CTTNBP2: variants seen among roughly 807,000 people sequenced by gnomAD.
CTTNBP2 encodes the protein cortactin-binding protein 2.
CTTNBP2 carries 108 observed loss-of-function variants against 156.9 expected under a neutral mutation model. The ratio of observed to expected loss-of-function variants is 0.69; its 90% CI spans 0.59 to 0.81. CTTNBP2 has a LOEUF of 0.81. Among genes scored for constraint, CTTNBP2 ranks in the 30% least tolerant of loss-of-function variants. CTTNBP2 has a pLI of 0.00. For missense variants in CTTNBP2, 1,924 were observed against 2,035.4 expected (o/e 0.95, Z 1.05); for synonymous variants, 767 against 751.8 (o/e 1.02, Z -0.33).
At chr7:117,861,425 A>T in intron 1 of CTTNBP2, 109 bp from the exon 2 acceptor site, 1 of 717,320 alleles carries the variant, frequency 1.4e-6, no homozygotes, top group Non-Finnish European at 2.4e-6. Flanking sequence ...CGGCAGATCC[A>T]GCAGGCACCG....
intron 2 of CTTNBP2, among the ~76,000 whole-genome samples, chr7:117,823,134 T>C (rs1488568703): frequency 1.3e-5 from 2 of 152,222 alleles, no homozygotes; most frequent in African/African-American, 2.4e-5. Flanking sequence ...TTTCTATTTA[T>C]AATTCCCCAA....
chr7:117,713,600 AG>A (rs1794178001), intron 22 of CTTNBP2, among the ~76,000 whole-genome samples: 2 of 152,290 alleles, frequency 1.3e-5, no homozygotes, highest in South Asian at 4.1e-4. Flanking sequence ...GTGAATAGGA[AG>A]GTAAAGGATA....
At position 117,791,575 on chromosome 7, in the gene CTTNBP2, T is replaced by A. The variant is rs376039051; in HGVS notation, c.1621A>T (p.Asn541Tyr). 14 of 1,613,996 alleles carry A rather than the reference T, an allele frequency of 8.7e-6. No individual in the cohort carries two copies. The highest frequency in any genetic ancestry group is 1.3e-5 in the African/African-American group (1 of 74,918). The change falls in exon 4 of 23, where the codon AAT (asparagine) becomes TAT (tyrosine). Residue 541 changes from asparagine to tyrosine, a missense_variant. Transcript: ENST00000160373. Reference sequence around the variant, plus strand: ...TTTTTTGGAGGGATAGGAGGAGGATTTCCTCTGTCAACTCGTGCTACACCA... The same window carrying A: ...TTTTTTGGAGGGATAGGAGGAGGATATCCTCTGTCAACTCGTGCTACACCA... ...THGVARVDRG[N>Y]PPPIPPKKPG...
chr7:117,858,579 C>A (rs1803493306), intron 2 of CTTNBP2, among the ~76,000 whole-genome samples: 2 of 152,030 alleles, frequency 1.3e-5, no homozygotes, highest in Admixed American at 1.3e-4. Context: ...AGGAGCAGTA[C>A]CCTAGGATGT....
chr7:117,731,377 C>T (rs1249472071), intron 16 of CTTNBP2, among the ~76,000 whole-genome samples: 1 of 152,108 alleles, frequency 6.6e-6, no homozygotes, highest in Non-Finnish European at 1.5e-5. Flanking sequence ...TTTAAAATAG[C>T]ACTTGAATAA....
intron 9 of CTTNBP2, 130 bp downstream of exon 9, chr7:117,766,928 AT>A (rs2116694922): frequency 1.6e-6 from 1 of 642,678 alleles, no homozygotes; most frequent in East Asian, 2.5e-5. Context: ...TACAGTCAGT[AT>A]TTTTGCCATA....
rs16870142 is a variant in CTTNBP2, at chr7:117,856,117, C to T, written c.189+5092G>A. On this transcript the variant is annotated intron_variant, in intron 2 of 22. Coordinates refer to ENST00000160373, the MANE Select transcript of CTTNBP2 (RefSeq NM_033427.3). ...CCAAGTCCTCCCTTCTTCCATAGTA[C>T]TACAGCCAGCCATGGCCATTTTCCA... Among the ~76,000 whole-genome samples, 1,135 of 152,296 alleles carry T rather than the reference C, an allele frequency of 7.5e-3. 56 individuals are homozygous for T. The highest frequency in any genetic ancestry group is 0.067 in the Admixed American group (1,021 of 15,288).
chr7:117,854,501 C>T (rs536051016), intron 2 of CTTNBP2, among the ~76,000 whole-genome samples: 62 of 152,222 alleles, frequency 4.1e-4, no homozygotes, highest in African/African-American at 1.5e-3. Flanking sequence ...TGCCTTTGTT[C>T]TATGTCAAGA....
chr7:117,803,855 G>C (rs956588320), intron 3 of CTTNBP2, among the ~76,000 whole-genome samples: 1 of 151,854 alleles, frequency 6.6e-6, no homozygotes, highest in African/African-American at 2.4e-5. Context: ...CCTTAAAAAA[G>C]GTAAATATAA....
intron 10 of CTTNBP2, among the ~76,000 whole-genome samples, chr7:117,758,824 A>G (rs933554795): frequency 3.3e-5 from 5 of 152,224 alleles, no homozygotes; most frequent in African/African-American, 1.2e-4. Flanking sequence ...AGGGTGCTCT[A>G]TACCTCTGAG....
chr7:117,793,952 G>A (rs985340222), intron 3 of CTTNBP2, among the ~76,000 whole-genome samples: 15 of 152,130 alleles, frequency 9.9e-5, no homozygotes, highest in Admixed American at 3.3e-4. Context: ...AATAACAGTT[G>A]ATAAACTCCC....
intron 9 of CTTNBP2, among the ~76,000 whole-genome samples, chr7:117,763,033 C>A (rs914287625): frequency 2.0e-5 from 3 of 152,196 alleles, no homozygotes; most frequent in Non-Finnish European, 4.4e-5. Context: ...AACTTGGCCA[C>A]CATTTTAAAA....
chr7:117,724,867 G>A (rs1795002698), intron 18 of CTTNBP2, 135 bp from the exon 19 acceptor site: 2 of 1,145,312 alleles, frequency 1.7e-6, no homozygotes, highest in Non-Finnish European at 1.2e-6. Flanking sequence ...TTGTGAACCA[G>A]CACCAACTTT....
intron 3 of CTTNBP2, among the ~76,000 whole-genome samples, chr7:117,794,771 CATAT>C (rs1799218049): frequency 6.7e-6 from 1 of 149,494 alleles, no homozygotes; most frequent in South Asian, 2.2e-4. Context: ...AGCTTAATTA[CATAT>C]ATACTTTATT....
chr7:117,778,523 C>A lies in CTTNBP2; in HGVS notation c.2524-758G>T, dbSNP rs189599968. On this transcript the variant is annotated intron_variant, in intron 7 of 22. Coordinates refer to ENST00000160373, the MANE Select transcript of CTTNBP2 (RefSeq NM_033427.3). ...TTCTCAGGTGTGGTCCCCAGACCAG[C>A]AGCATCAGTATCACCTGGGAACTTT... 1.1e-4 allele frequency among the ~76,000 whole-genome samples: 16 copies of A among 152,336 alleles called. 1 individual carries two copies. The highest frequency in any genetic ancestry group is 2.2e-4 in the Non-Finnish European group (15 of 68,036).
intron 16 of CTTNBP2, among the ~76,000 whole-genome samples, chr7:117,729,191 T>C (rs946196622): frequency 2.0e-5 from 3 of 152,224 alleles, no homozygotes; most frequent in African/African-American, 7.2e-5. Flanking sequence ...CGGAATCACA[T>C]TTCACAGTAC....
rs1800233842 is a variant in CTTNBP2 at position 117,810,841 on chromosome 7, G to C, written c.338C>G (p.Ala113Gly). 6.2e-7 allele frequency: 1 copy of C among 1,614,074 alleles called. No homozygotes were observed. Among genetic ancestry groups the C allele is most frequent in the African/African-American group, 1.3e-5 (1 of 75,014 alleles). ...VCTNPLSILE[A>G]VMAHCKKMQE... ...CATTTTCTTGCAGTGGGCCATGACT[G>C]CTTCAAGGATGGAGAGGGGGTTGGT... The change falls in exon 3 of 23, where the codon GCA becomes GGA. Residue 113 changes from alanine (A) to glycine (G), a missense_variant. Ala to Gly is a moderately conservative substitution (Grantham distance 60). Coordinates refer to ENST00000160373, the MANE Select transcript of CTTNBP2 (RefSeq NM_033427.3).
At chr7:117,818,090 C>A (rs1323585538) in intron 2 of CTTNBP2, among the ~76,000 whole-genome samples, 2 of 152,286 alleles carry the variant, frequency 1.3e-5, no homozygotes, top group Admixed American at 6.5e-5. Flanking sequence ...AAAAATATGA[C>A]AATGTTCTCA....
chr7:117,839,710 T>C (rs1036661335), intron 2 of CTTNBP2, among the ~76,000 whole-genome samples: 1 of 152,214 alleles, frequency 6.6e-6, no homozygotes, highest in Non-Finnish European at 1.5e-5. Flanking sequence ...TTAGTTCTAC[T>C]TCCTGCTGTG....
Sources: allele counts gnomAD v4.1 joint callset (sites outside exome capture counted in the v4.1 genomes callset), GRCh38; gene constraint gnomAD v4.1.1; transcripts MANE v1.5; gene names NCBI Gene and HGNC (gene_info 2026-07-23, HGNC 2026-07-21).